Variants in RPS6KC1 observed in about 807,000 individuals in gnomAD.
RPS6KC1 encodes the protein ribosomal protein S6 kinase C1, also known as inactive ribosomal protein S6 kinase delta-1.
A neutral mutation model predicts 103.8 loss-of-function variants in RPS6KC1; 54 were observed. That is an observed-to-expected ratio of 0.52 (90% CI 0.42 to 0.65). RPS6KC1 has a LOEUF of 0.65. Ranked by LOEUF, RPS6KC1 falls within the 30% of genes least tolerant of loss-of-function variation. The probability of loss-of-function intolerance (pLI) is 0.00; values close to 1 mark genes in which losing one functional copy is unlikely to be tolerated. For missense variants in RPS6KC1, 1,151 were observed against 1,253.8 expected (o/e 0.92, Z 1.24); for synonymous variants, 439 against 438.7 (o/e 1.00, Z -0.01).
chr1:213,361,251 G>A, the RPS6KC1 span, among the ~76,000 whole-genome samples: 4 of 152,390 alleles, frequency 2.6e-5, no homozygotes, highest in Non-Finnish European at 5.9e-5. Flanking sequence ...TCAAGCCTCA[G>A]CAATGGCAGG....
chr1:213,752,259 C>T, the RPS6KC1 span, among the ~76,000 whole-genome samples: 4 of 151,934 alleles, frequency 2.6e-5, no homozygotes, highest in Non-Finnish European at 2.9e-5. Flanking sequence ...AGACTAGGGT[C>T]GGCAAATCTT....
chr1:213,669,762 A>G, the RPS6KC1 span, among the ~76,000 whole-genome samples: 1 of 152,196 alleles, frequency 6.6e-6, no homozygotes, highest in African/African-American at 2.4e-5. Context: ...GAAGCAGTTC[A>G]GAAAGTTTGT....
the RPS6KC1 span, among the ~76,000 whole-genome samples, chr1:213,334,936 T>C: frequency 2.0e-5 from 3 of 152,256 alleles, no homozygotes; most frequent in Non-Finnish European, 1.5e-5. Context: ...TGGATGGATG[T>C]CTGCCAGTCC....
At chr1:213,181,577 A>G (rs972286042) in intron 8 of RPS6KC1, among the ~76,000 whole-genome samples, 2 of 152,242 alleles carry the variant, frequency 1.3e-5, no homozygotes, top group Non-Finnish European at 2.9e-5. Flanking sequence ...CTCTGATAAT[A>G]TGTGGAAAAA....
the RPS6KC1 span, among the ~76,000 whole-genome samples, chr1:213,832,218 C>T: frequency 3.2e-4 from 49 of 152,274 alleles, no homozygotes; most frequent in African/African-American, 1.1e-3. Flanking sequence ...TTGCCTAAGA[C>T]CTTAACCTTA....
At chr1:213,488,546 AGAG>A in the RPS6KC1 span, among the ~76,000 whole-genome samples, 2 of 152,198 alleles carry the variant, frequency 1.3e-5, no homozygotes, top group African/African-American at 4.8e-5. Flanking sequence ...TTGAGATTAA[AGAG>A]TGGACTTTCA....
the RPS6KC1 span, among the ~76,000 whole-genome samples, chr1:213,355,894 T>A: frequency 6.6e-6 from 1 of 152,228 alleles, no homozygotes; most frequent in African/African-American, 2.4e-5. Context: ...AGCTGTGTAA[T>A]CTTGGACAGT....
At chr1:213,617,878 G>C in the RPS6KC1 span, among the ~76,000 whole-genome samples, 1 of 152,218 alleles carries the variant, frequency 6.6e-6, no homozygotes, top group Non-Finnish European at 1.5e-5. Context: ...CTCCATCGAG[G>C]AGATTTAGAC....
At chr1:213,727,542 A>C in the RPS6KC1 span, among the ~76,000 whole-genome samples, 1 of 152,222 alleles carries the variant, frequency 6.6e-6, no homozygotes, top group Non-Finnish European at 1.5e-5. Flanking sequence ...TATGAATGGC[A>C]CTCAAAGTCT....
chr1:213,412,536 C>T, the RPS6KC1 span, among the ~76,000 whole-genome samples: 62 of 152,302 alleles, frequency 4.1e-4, no homozygotes, highest in African/African-American at 1.5e-3. Context: ...TGTAGCGGTC[C>T]CTGCTTTCCC....
At chr1:213,773,786 T>C in the RPS6KC1 span, among the ~76,000 whole-genome samples, 2 of 152,214 alleles carry the variant, frequency 1.3e-5, no homozygotes, top group African/African-American at 2.4e-5. Context: ...ACCCACATTA[T>C]AGAGGATGGT....
chr1:213,115,280 G>A (rs1368795656), intron 4 of RPS6KC1, among the ~76,000 whole-genome samples: 2 of 151,346 alleles, frequency 1.3e-5, no homozygotes, highest in Admixed American at 6.6e-5. Context: ...GTTTAGTCTT[G>A]GGAGAGTGTA....
intron 8 of RPS6KC1, among the ~76,000 whole-genome samples, chr1:213,228,944 G>GTAT (rs1181516048): frequency 6.6e-6 from 1 of 152,160 alleles, no homozygotes; most frequent in Non-Finnish European, 1.5e-5. Context: ...GGTGCTCAGT[G>GTAT]TATAATTGTT....
At chr1:213,200,730 C>T (rs771791475) in intron 8 of RPS6KC1, among the ~76,000 whole-genome samples, 9 of 152,058 alleles carry the variant, frequency 5.9e-5, no homozygotes, top group African/African-American at 7.2e-5. Flanking sequence ...ATGCATCCAA[C>T]GAAGGTCTAA....
At chr1:213,767,928 A>T in the RPS6KC1 span, among the ~76,000 whole-genome samples, 2 of 152,210 alleles carry the variant, frequency 1.3e-5, no homozygotes, top group Non-Finnish European at 2.9e-5. Context: ...CGCCGCAAGC[A>T]TTCACAGGTC....
At chr1:213,253,906 T>C (rs1558638930) in intron 12 of RPS6KC1, among the ~76,000 whole-genome samples, 1 of 152,184 alleles carries the variant, frequency 6.6e-6, no homozygotes, top group Non-Finnish European at 1.5e-5. Context: ...GGGTAAACAT[T>C]ATTATTTTGG....
the RPS6KC1 span, among the ~76,000 whole-genome samples, chr1:213,323,147 C>T: frequency 6.6e-6 from 1 of 151,914 alleles, no homozygotes; most frequent in East Asian, 1.9e-4. Context: ...ATTCCATTGC[C>T]TTCTCTGACT....
the RPS6KC1 span, among the ~76,000 whole-genome samples, chr1:213,402,674 C>A: frequency 6.6e-6 from 1 of 152,096 alleles, no homozygotes; most frequent in East Asian, 1.9e-4. Flanking sequence ...ATGGCAAATA[C>A]GTATGATGTT....
At chr1:213,343,440 T>TATATACACAC in the RPS6KC1 span, among the ~76,000 whole-genome samples, 31 of 80,410 alleles carry the variant, frequency 3.9e-4, 2 homozygotes, top group Non-Finnish European at 7.3e-4. Flanking sequence ...TATATATATA[T>TATATACACAC]ACATACCATG....
Sources: gnomAD v4.1 joint callset for allele counts (sites outside exome capture counted in the v4.1 genomes callset) on GRCh38, gnomAD v4.1.1 for gene constraint, MANE v1.5 for transcripts, NCBI Gene and HGNC (gene_info 2026-07-23, HGNC 2026-07-21) for gene names.